Variants in LOC400499 observed in about 807,000 individuals in gnomAD.
At chr16:11,433,627 C>T in the LOC400499 span, among the ~76,000 whole-genome samples, 1 of 152,106 alleles carries the variant, frequency 6.6e-6, no homozygotes, top group Non-Finnish European at 1.5e-5. Context: ...AGGAACTGGT[C>T]AACAGAAAGA....
chr16:11,450,278 G>A, the LOC400499 span, among the ~76,000 whole-genome samples: 12 of 152,358 alleles, frequency 7.9e-5, no homozygotes, highest in South Asian at 1.5e-3. Flanking sequence ...ACCGACTTAC[G>A]TCCTAGAAAT....
chr16:11,519,163 C>A, the LOC400499 span, among the ~76,000 whole-genome samples: 1 of 152,186 alleles, frequency 6.6e-6, no homozygotes, highest in Admixed American at 6.5e-5. Context: ...CTGAAATAAT[C>A]AAGTACCTAC....
the LOC400499 span, among the ~76,000 whole-genome samples, chr16:11,435,456 C>T: frequency 2.0e-5 from 3 of 152,070 alleles, no homozygotes; most frequent in Admixed American, 6.5e-5. Flanking sequence ...CTCATAACAA[C>T]GCAAAAAAGA....
At chr16:11,430,572 T>C in the LOC400499 span, among the ~76,000 whole-genome samples, 2 of 152,120 alleles carry the variant, frequency 1.3e-5, no homozygotes, top group Admixed American at 6.5e-5. Flanking sequence ...ATGTTAAATA[T>C]ACATACATAT....
chr16:11,465,890 G>T, the LOC400499 span, among the ~76,000 whole-genome samples: 5 of 151,582 alleles, frequency 3.3e-5, no homozygotes, highest in African/African-American at 1.2e-4. Flanking sequence ...GACAGGGCGA[G>T]AAAGGAAAGA....
chr16:11,506,132 G>A, the LOC400499 span, among the ~76,000 whole-genome samples: 1 of 152,130 alleles, frequency 6.6e-6, no homozygotes, highest in East Asian at 1.9e-4. Flanking sequence ...CGCCTCCTGG[G>A]TTCAAGCGAT....
the LOC400499 span, among the ~76,000 whole-genome samples, chr16:11,451,534 G>C: frequency 6.6e-6 from 1 of 151,052 alleles, no homozygotes; most frequent in Non-Finnish European, 1.5e-5. Context: ...CTGGGCAACA[G>C]AGGGAGACCC....
the LOC400499 span, chr16:11,446,505 C>G: frequency 1.3e-6 from 2 of 1,515,376 alleles, no homozygotes. Context: ...CAACTTGAAC[C>G]AGGGCTGGCT....
chr16:11,510,981 G>C, the LOC400499 span, among the ~76,000 whole-genome samples: 1 of 151,142 alleles, frequency 6.6e-6, no homozygotes, highest in African/African-American at 2.5e-5. Flanking sequence ...CAGGTGCTTA[G>C]CTAAAGGCAA....
At chr16:11,501,719 C>G in the LOC400499 span, among the ~76,000 whole-genome samples, 1,113 of 152,190 alleles carry the variant, frequency 7.3e-3, 15 homozygotes, top group African/African-American at 0.026. Flanking sequence ...CAGCACCCCC[C>G]AGCCCAGACT....
chr16:11,452,059 C>G, the LOC400499 span, among the ~76,000 whole-genome samples: 1 of 152,164 alleles, frequency 6.6e-6, no homozygotes, highest in Non-Finnish European at 1.5e-5. Context: ...TCTTTCCAAA[C>G]AAGTTTTGAG....
the LOC400499 span, among the ~76,000 whole-genome samples, chr16:11,445,070 C>A: frequency 4.2e-4 from 60 of 142,820 alleles, no homozygotes; most frequent in Non-Finnish European, 7.2e-4. Flanking sequence ...GCCTGGGTGA[C>A]AGAGTGAGAC....
the LOC400499 span, chr16:11,501,981 C>T: frequency 2.5e-6 from 1 of 397,162 alleles, no homozygotes; most frequent in East Asian, 3.6e-5. Flanking sequence ...AGCATCCATC[C>T]CTCACTGGGA....
chr16:11,461,111 C>G, the LOC400499 span: 1 of 1,535,072 alleles, frequency 6.5e-7, no homozygotes, highest in Non-Finnish European at 8.7e-7. Context: ...TCCTTCCTCT[C>G]CAGCAGTGCT....
At chr16:11,493,213 G>C in the LOC400499 span, among the ~76,000 whole-genome samples, 1 of 152,166 alleles carries the variant, frequency 6.6e-6, no homozygotes, top group Non-Finnish European at 1.5e-5. Flanking sequence ...TTCTGTAAAG[G>C]GACAGAGAAC....
At chr16:11,409,198 T>C in the LOC400499 span, among the ~76,000 whole-genome samples, 629 of 151,858 alleles carry the variant, frequency 4.1e-3, 10 homozygotes, top group Admixed American at 0.037. Context: ...GTGGCGGAGG[T>C]TGCGGTGAGT....
the LOC400499 span, among the ~76,000 whole-genome samples, chr16:11,381,444 T>C: frequency 1.3e-5 from 2 of 152,118 alleles, no homozygotes; most frequent in African/African-American, 4.8e-5. Context: ...GAGATGAGTC[T>C]CTAGAGATGA....
chr16:11,449,060 G>C, the LOC400499 span: 1 of 1,484,180 alleles, frequency 6.7e-7, no homozygotes, highest in Non-Finnish European at 9.0e-7. Context: ...ACTCGAGTTC[G>C]CTCCAGCTGT....
At chr16:11,468,633 T>G in the LOC400499 span, among the ~76,000 whole-genome samples, 1 of 151,968 alleles carries the variant, frequency 6.6e-6, no homozygotes, top group Non-Finnish European at 1.5e-5. Flanking sequence ...GCTTTTTCTT[T>G]CTTTCTTTTT....
Sources: allele counts gnomAD v4.1 joint callset (sites outside exome capture counted in the v4.1 genomes callset), GRCh38; gene constraint gnomAD v4.1.1; transcripts MANE v1.5.